Variants in BACH2 observed in about 807,000 individuals in gnomAD.
The protein encoded by BACH2 is transcription regulator protein BACH2.
A neutral mutation model predicts 61.8 loss-of-function variants in BACH2; 5 were observed. The observed-to-expected ratio is 0.08, with a 90% CI of 0.04 to 0.17. The LOEUF is 0.17. BACH2 is among the 10% of genes least tolerant of loss of function. The pLI, the probability that BACH2 is intolerant of heterozygous loss-of-function variation, is 1.00. For synonymous variants in BACH2, 446 were observed against 440.1 expected, an observed-to-expected ratio of 1.01 and a Z score of -0.17; for missense variants, 824 against 1,091.1, an observed-to-expected ratio of 0.76 and a Z score of 3.45.
chr6:90,066,294 T>C (rs1344773563), intron 5 of BACH2, among the ~76,000 whole-genome samples: 3 of 152,100 alleles, frequency 2.0e-5, no homozygotes, highest in Non-Finnish European at 4.4e-5. Flanking sequence ...AGGTGACCAG[T>C]GGCTCAGGGA....
Position 89,950,590 on chromosome 6 carries a change from C to T in BACH2, c.1516G>A (p.Val506Ile), listed in dbSNP as rs1774021298. The T allele has an allele frequency of 1.2e-6, 2 of 1,612,354 alleles. No individual in the cohort carries two copies. Among genetic ancestry groups the T allele is most frequent in the South Asian group, 2.2e-5 (2 of 90,964 alleles). The change falls in exon 7 of 9, where the codon GTC becomes ATC. Residue 506 changes from valine to isoleucine, a missense_variant. Val to Ile is a conservative substitution (Grantham distance 29). Around this residue, in one of 8 missense-constraint regions of BACH2, gnomAD observed 102 missense variants for 98.1 expected, o/e 1.04. Coordinates refer to ENST00000257749, the MANE Select transcript of BACH2 (RefSeq NM_021813.4). The surrounding 1 kb of genome is among the most constrained non-coding windows in gnomAD (Gnocchi z 5.3). ...TCCAAGGGGGGTGAGCGAGGGCAGA[C>T]TTTGATTGGTACCGGGCAGCTGGTG... ...PNTSCPVPIKVCPRSPPLETR... is the reference protein window; with the variant it reads ...PNTSCPVPIKICPRSPPLETR...
chr6:90,273,140 G>A (rs911015213), intron 1 of BACH2, among the ~76,000 whole-genome samples: 7 of 152,078 alleles, frequency 4.6e-5, no homozygotes, highest in Non-Finnish European at 7.4e-5. Flanking sequence ...GCGGAGGATC[G>A]CTTGAGGCCA....
chr6:90,267,001 C>A lies in BACH2; in HGVS notation c.-353+4848G>T, dbSNP rs376189868. The stretch of plus-strand genomic sequence containing the variant: ...CACTATGCCAAGCTATAAAGATGCC[C>A]CACCCTGTGCCCTTTTTACATTACA... On this transcript the variant is annotated intron_variant, in intron 2 of 8. Transcript: ENST00000257749. Among the ~76,000 whole-genome samples, 3 of 152,118 alleles carry A rather than the reference C, an allele frequency of 2.0e-5. No individual in the cohort carries two copies. The South Asian group carries it at 6.3e-4, about 32-fold the overall frequency.
intron 2 of BACH2, among the ~76,000 whole-genome samples, chr6:90,267,226 T>C (rs1207446174): frequency 1.3e-5 from 2 of 152,088 alleles, no homozygotes; most frequent in Admixed American, 6.6e-5. Context: ...GACAGAAAAC[T>C]TGGTACACAA....
At chr6:90,128,700 T>C (rs1783970345) in intron 4 of BACH2, among the ~76,000 whole-genome samples, 1 of 152,168 alleles carries the variant, frequency 6.6e-6, no homozygotes, top group African/African-American at 2.4e-5. Flanking sequence ...GACCCAGCAA[T>C]CCCATTACTG....
intron 6 of BACH2, among the ~76,000 whole-genome samples, chr6:89,965,311 G>T (rs1380433329): frequency 6.6e-6 from 1 of 152,156 alleles, no homozygotes; most frequent in Non-Finnish European, 1.5e-5. Flanking sequence ...TGGGTTCTCT[G>T]AGAAATTCTA....
At chr6:90,083,308 T>C (rs1462220937) in intron 5 of BACH2, among the ~76,000 whole-genome samples, 1 of 152,204 alleles carries the variant, frequency 6.6e-6, no homozygotes. Context: ...AGCTTTATAA[T>C]AAAACATAGA....
At chr6:90,082,551 G>A (rs1179146919) in intron 5 of BACH2, among the ~76,000 whole-genome samples, 1 of 152,108 alleles carries the variant, frequency 6.6e-6, no homozygotes, top group Non-Finnish European at 1.5e-5. Flanking sequence ...CTAGAGCACT[G>A]CTTGTAAATT....
intron 4 of BACH2, among the ~76,000 whole-genome samples, chr6:90,118,562 A>G (rs1783496038): frequency 6.6e-6 from 1 of 152,168 alleles, no homozygotes; most frequent in Admixed American, 6.5e-5. Flanking sequence ...TAATACAGGC[A>G]TATCAATGAT....
intron 3 of BACH2, among the ~76,000 whole-genome samples, chr6:90,229,330 A>T (rs1770017927): frequency 6.6e-6 from 1 of 152,078 alleles, no homozygotes; most frequent in African/African-American, 2.4e-5. Flanking sequence ...TGCAGTGGCC[A>T]GCGCCTGTAA....
intron 5 of BACH2, among the ~76,000 whole-genome samples, chr6:90,079,609 A>T (rs974444255): frequency 1.3e-5 from 2 of 152,160 alleles, no homozygotes; most frequent in African/African-American, 4.8e-5. Context: ...AACAGAGACA[A>T]ATTATTTCCC....
chr6:89,969,667 T>C (rs1193749320), intron 6 of BACH2, among the ~76,000 whole-genome samples: 2 of 152,186 alleles, frequency 1.3e-5, no homozygotes, highest in African/African-American at 4.8e-5. Context: ...CTTCTCTACC[T>C]GAGAAACCAG....
chr6:90,192,815 A>G (rs1176642823), intron 4 of BACH2, among the ~76,000 whole-genome samples: 2 of 152,240 alleles, frequency 1.3e-5, no homozygotes, highest in African/African-American at 4.8e-5. Flanking sequence ...TTAGGCACTC[A>G]CTTACATATA....
intron 8 of BACH2, among the ~76,000 whole-genome samples, chr6:89,937,926 C>T (rs1324100134): frequency 6.6e-6 from 1 of 152,190 alleles, no homozygotes. Flanking sequence ...CACACTATTA[C>T]ACACCTGCGC....
chr6:90,211,167 T>A (rs1191873870), intron 3 of BACH2, among the ~76,000 whole-genome samples: 1 of 138,636 alleles, frequency 7.2e-6, no homozygotes. Context: ...ACAAAGTAAG[T>A]CTAAGAAGAA....
intron 6 of BACH2, among the ~76,000 whole-genome samples, chr6:89,987,417 C>T (rs1476245001): frequency 6.6e-6 from 1 of 152,138 alleles, no homozygotes; most frequent in African/African-American, 2.4e-5. Flanking sequence ...AGGGATCACA[C>T]TGATCACTGA....
intron 4 of BACH2, among the ~76,000 whole-genome samples, chr6:90,137,033 CTG>C (rs1263378030): frequency 1.3e-5 from 2 of 152,064 alleles, no homozygotes; most frequent in Non-Finnish European, 2.9e-5. Context: ...TCATGTCATC[CTG>C]TGACACTAGC....
rs530140510 is a variant in BACH2 at position 89,945,443 on chromosome 6, T to C, written c.1836+4827A>G. Among the ~76,000 whole-genome samples the C allele has an allele frequency of 4.6e-5, 7 of 152,302 alleles. No individual in the cohort carries two copies. In the East Asian group the frequency reaches 5.8e-4, roughly 13 times the overall value. The stretch of plus-strand genomic sequence containing the variant: ...AGCATTATGCTAAAGTGAAAGGAGC[T>C]AGACACAGAAGGCCACATCTTGCAA... On this transcript the variant is annotated intron_variant, in intron 7 of 8. Coordinates refer to ENST00000257749, the MANE Select transcript of BACH2 (RefSeq NM_021813.4).
intron 4 of BACH2, among the ~76,000 whole-genome samples, chr6:90,169,023 C>G (rs1224393475): frequency 6.6e-6 from 1 of 152,112 alleles, no homozygotes; most frequent in Non-Finnish European, 1.5e-5. Context: ...TACGATGTTT[C>G]CCTTAATGAT....
Sources: gnomAD v4.1 joint callset for allele counts (sites outside exome capture counted in the v4.1 genomes callset) on GRCh38, gnomAD v4.1.1 for gene constraint, gnomAD v4.1.1 regional missense constraint, Gnocchi (gnomAD v3.1) non-coding constraint, MANE v1.5 for transcripts, NCBI Gene and HGNC (gene_info 2026-07-23, HGNC 2026-07-21) for gene names.